IFRD1: variants seen among roughly 807,000 people sequenced by gnomAD.
IFRD1 encodes the protein interferon related developmental regulator 1, also known as interferon-related developmental regulator 1.
IFRD1 carries 35 observed loss-of-function variants against 52.9 expected under a neutral mutation model. That is an observed-to-expected ratio of 0.66 (90% CI 0.51 to 0.88). The LOEUF is 0.88. Ranked by LOEUF, IFRD1 falls within the 40% of genes least tolerant of loss-of-function variation. IFRD1 has a pLI of 0.00. For synonymous variants in IFRD1, 184 were observed against 188.4 expected, an observed-to-expected ratio of 0.98 and a Z score of 0.19; for missense variants, 517 against 550.8, an observed-to-expected ratio of 0.94 and a Z score of 0.61.
upstream of IFRD1, among the ~76,000 whole-genome samples, chr7:112,449,659 TTG>T (rs1795101361): frequency 6.6e-6 from 1 of 152,312 alleles, no homozygotes; most frequent in South Asian, 2.1e-4. Context: ...TCTGTATAAC[TTG>T]TGTTTGTTTT....
chr7:112,460,241 G>GTTTTT (rs35314166), intron 5 of IFRD1, among the ~76,000 whole-genome samples: 55 of 92,972 alleles, frequency 5.9e-4, no homozygotes, highest in African/African-American at 9.4e-4. Context: ...CAGTCCTAGG[G>GTTTTT]TTTTTTTTTT....
At chr7:112,468,700 A>G (rs534867837) in intron 9 of IFRD1, among the ~76,000 whole-genome samples, 1 of 152,256 alleles carries the variant, frequency 6.6e-6, no homozygotes, top group South Asian at 2.1e-4. Context: ...GGGTTTCACC[A>G]TCTTGGCCAG....
chr7:112,434,036 G>C (rs1794611591), intron 1 of IFRD1, among the ~76,000 whole-genome samples: 1 of 152,046 alleles, frequency 6.6e-6, no homozygotes, highest in Non-Finnish European at 1.5e-5. Context: ...TGCCCAGGCT[G>C]GTCTCGAACT....
chr7:112,472,981 A>G, intron 11 of IFRD1, 120 bp downstream of exon 11: 5 of 725,608 alleles, frequency 6.9e-6, no homozygotes, highest in Non-Finnish European at 1.2e-5. Context: ...GATGCTTCAC[A>G]TAGAATAGCT....
At chr7:112,467,166 G>A (rs1350166545) in intron 8 of IFRD1, among the ~76,000 whole-genome samples, 4 of 152,134 alleles carry the variant, frequency 2.6e-5, no homozygotes, top group East Asian at 3.8e-4. Context: ...AATATAATAA[G>A]TTAAATGATT....
At chr7:112,449,672 A>G (rs563070781), upstream of IFRD1, among the ~76,000 whole-genome samples, 1 of 152,288 alleles carries the variant, frequency 6.6e-6, no homozygotes, top group East Asian at 1.9e-4. Context: ...TGTTTGTTTT[A>G]CCAGCTGTGA....
intron 8 of IFRD1, among the ~76,000 whole-genome samples, chr7:112,466,073 G>T (rs1027828976): frequency 5.9e-5 from 9 of 151,494 alleles, no homozygotes; most frequent in East Asian, 1.9e-4. Flanking sequence ...ATGACTGCTG[G>T]TTTTTTTTAT....
chr7:112,445,152 C>T (rs3128391), intron 1 of IFRD1, among the ~76,000 whole-genome samples: 105,232 of 148,916 alleles, frequency 0.71, 37,332 homozygotes, highest in African/African-American at 0.76. Flanking sequence ...CTGCAAGCTC[C>T]GCTTCCCGAG....
chr7:112,452,950 G>T (rs759069224), intron 1 of IFRD1, among the ~76,000 whole-genome samples: 1 of 152,180 alleles, frequency 6.6e-6, no homozygotes, highest in Non-Finnish European at 1.5e-5. Context: ...AGGTATGGGG[G>T]TGAGATTTAC....
chr7:112,472,093 G>A (rs1278064638), intron 9 of IFRD1, 126 bp from the exon 10 acceptor site: 3 of 931,884 alleles, frequency 3.2e-6, no homozygotes, highest in Non-Finnish European at 5.3e-6. Flanking sequence ...AGGTATGGCA[G>A]TATCAGTTTA....
intron 11 of IFRD1, among the ~76,000 whole-genome samples, chr7:112,473,375 TG>T (rs1329021766): frequency 7.9e-5 from 12 of 152,176 alleles, no homozygotes; most frequent in Middle Eastern, 3.4e-3. Context: ...GTTTTACAAA[TG>T]AGGAAACTTA....
At chr7:112,470,813 A>G (rs562691706) in intron 9 of IFRD1, among the ~76,000 whole-genome samples, 115 of 152,332 alleles carry the variant, frequency 7.5e-4, no homozygotes, top group African/African-American at 2.6e-3. Context: ...AATAGTTGTT[A>G]TACTTTATTG....
intron 1 of IFRD1, among the ~76,000 whole-genome samples, chr7:112,431,532 C>T (rs1794547205): frequency 6.6e-6 from 1 of 152,124 alleles, no homozygotes; most frequent in Non-Finnish European, 1.5e-5. Flanking sequence ...CTCACAGCCG[C>T]AGTTCACCCT....
At position 112,462,916 on chromosome 7, in the gene IFRD1, G is replaced by T. The variant is rs184125788; in HGVS notation, c.906+538G>T. Among the ~76,000 whole-genome samples the T allele has an allele frequency of 8.5e-5, 13 of 152,180 alleles. No individual in the cohort carries two copies. The East Asian group carries it at 2.3e-3, about 27-fold the overall frequency. ...AGTTACCATGGCTTGGCTCTCGAAG[G>T]GATTTGAGTTTGTGATAGTTTGATC... On this transcript the variant is annotated intron_variant, in intron 8 of 11. Coordinates refer to ENST00000403825, the MANE Select transcript of IFRD1 (RefSeq NM_001550.4).
intron 3 of IFRD1, 33 bp from the exon 4 acceptor site, chr7:112,456,881 G>A (rs1795305726): frequency 1.2e-6 from 2 of 1,607,814 alleles, no homozygotes; most frequent in Non-Finnish European, 1.7e-6. Context: ...ACTCCAACTG[G>A]ATCTTCTTTC....
At chr7:112,440,126 C>A (rs1273902841) in intron 1 of IFRD1, among the ~76,000 whole-genome samples, 1 of 152,074 alleles carries the variant, frequency 6.6e-6, no homozygotes, top group East Asian at 1.9e-4. Flanking sequence ...GCTGGGACTA[C>A]AGGCGTTCGC....
chr7:112,475,980 C>T lies in IFRD1; in HGVS notation c.*461C>T, dbSNP rs1795892304. On this transcript the variant is annotated 3_prime_UTR_variant, in exon 12 of 12. Coordinates refer to ENST00000403825, the MANE Select transcript of IFRD1 (RefSeq NM_001550.4). ...TTTAATGGAATGTAGCTTTTAAAAT[C>T]CTGTCACTGGCATCAACAAAAGGAA... The T allele has an allele frequency of 6.0e-6, 1 of 165,752 alleles. No homozygotes were observed. The highest frequency in any genetic ancestry group is 1.3e-5 in the Non-Finnish European group (1 of 76,846). 10.3% of individuals were successfully genotyped at this position (165,752 alleles called of 1,614,324 possible). A position where few individuals can be genotyped will look rare whatever the true frequency, so the allele number is the denominator to read the frequency against.
chr7:112,445,717 G>C (rs1795012770), upstream of IFRD1, among the ~76,000 whole-genome samples: 1 of 152,170 alleles, frequency 6.6e-6, no homozygotes. Flanking sequence ...AAGAGAGATT[G>C]GTGACTGGAT....
intron 5 of IFRD1, among the ~76,000 whole-genome samples, 188 bp downstream of exon 5, chr7:112,459,206 A>G (rs761999340): frequency 4.6e-5 from 7 of 152,166 alleles, no homozygotes; most frequent in South Asian, 2.1e-4. Flanking sequence ...AAAGCTACAC[A>G]CTGTATTTTA....
Sources: gnomAD v4.1 joint callset for allele counts (sites outside exome capture counted in the v4.1 genomes callset) on GRCh38, gnomAD v4.1.1 for gene constraint, MANE v1.5 for transcripts, NCBI Gene and HGNC (gene_info 2026-07-23, HGNC 2026-07-21) for gene names.